HSD11B2: variants seen among roughly 807,000 people sequenced by gnomAD.
HSD11B2 encodes the protein 11-beta-hydroxysteroid dehydrogenase type 2.
HSD11B2 carries 17 observed loss-of-function variants against 20.9 expected under a neutral mutation model. The observed-to-expected ratio is 0.81, with a 90% CI of 0.56 to 1.22. The LOEUF (loss-of-function observed/expected upper bound fraction) is 1.22, where lower values mean the gene tolerates loss of function less well. HSD11B2 is among the 50% of genes most tolerant of loss of function. The pLI is 0.00. For missense variants in HSD11B2, 480 were observed against 563.6 expected, an observed-to-expected ratio of 0.85 and a Z score of 1.50; for synonymous variants, 253 against 255.4, an observed-to-expected ratio of 0.99 and a Z score of 0.09.
At position 67,436,873 on chromosome 16, in the gene HSD11B2, T is replaced by C; in HGVS notation, c.1088T>C (p.Leu363Pro). 1 of 1,613,552 alleles carries C rather than the reference T, an allele frequency of 6.2e-7. No individual in the cohort carries two copies. The highest frequency in any genetic ancestry group is 2.2e-5 in the East Asian group (1 of 44,878). The change falls in exon 5 of 5, where the codon CTG becomes CCG. Residue 363 changes from leucine to proline, a missense_variant. By Grantham distance (98) the Leu-to-Pro change is moderately conservative. Coordinates refer to ENST00000326152, the MANE Select transcript of HSD11B2 (RefSeq NM_000196.4). The surrounding 1 kb of genome is among the most constrained non-coding windows in gnomAD (Gnocchi z 5.7). ...CCTGAAGGCCTGCGGCGCCGCTTCC[T>C]GCAGGCCTTCTTCATCAGTCACTGT... ...YLPEGLRRRF[L>P]QAFFISHCLP...
chr16:67,435,930 C>T, intron 2 of HSD11B2, 27 bp from the exon 3 acceptor site: 1 of 1,614,086 alleles, frequency 6.2e-7, no homozygotes, highest in Non-Finnish European at 8.5e-7. Context: ...TGACCTAAGG[C>T]TTCCCTCCTC....
Position 67,431,512 on chromosome 16 carries a change from C to T in HSD11B2, c.264C>T (p.Thr88=), listed in dbSNP as rs2040933364. 1 of 1,393,978 alleles carries T rather than the reference C, an allele frequency of 7.2e-7. No homozygotes were observed. The highest frequency in any genetic ancestry group is 1.6e-5 in the South Asian group (1 of 64,334). The allele number at this position is 1,393,978 out of a possible 1,614,324, so 86.4% of individuals were successfully genotyped here. ...LPVATRAVLI[T]GCDSGFGKET... is the part of the protein sequence containing the mutation. ...TGGCCACTCGCGCGGTGCTCATCAC[C>T]GGTGAGTGCGCGGGTCGCGGAGCGC... The change falls in exon 1 of 5, where the codon ACC becomes ACT. Residue 88 remains threonine (T), a splice_region_variant and synonymous_variant. Coordinates refer to ENST00000326152, the MANE Select transcript of HSD11B2 (RefSeq NM_000196.4).
chr16:67,433,513 G>A (rs1208856734), intron 1 of HSD11B2, among the ~76,000 whole-genome samples: 3 of 152,080 alleles, frequency 2.0e-5, no homozygotes, highest in Admixed American at 2.0e-4. Context: ...GTGTGTACAG[G>A]TATCTGAGGG....
rs374226482 is a variant in HSD11B2, at chr16:67,436,715, G to A, written c.930G>A (p.Ser310=). The A allele has an allele frequency of 3.3e-5, 54 of 1,614,004 alleles. No individual in the cohort carries two copies. Among genetic ancestry groups the A allele is most frequent in the East Asian group, 4.5e-5 (2 of 44,888 alleles). ...IEHLHGQFLH[S]LRLAMSDLTP... ...ACTTGCATGGGCAGTTCCTGCACTC[G>A]CTACGCCTGGCCATGTCCGACCTCA... is the stretch of plus-strand genomic sequence containing the variant. The change falls in exon 5 of 5, where the codon TCG becomes TCA. Residue 310 remains serine, a synonymous_variant. Coordinates refer to ENST00000326152, the MANE Select transcript of HSD11B2 (RefSeq NM_000196.4). The surrounding 1 kb of genome is among the most constrained non-coding windows in gnomAD (Gnocchi z 5.7).
chr16:67,431,945 G>T (rs56095125), intron 1 of HSD11B2, among the ~76,000 whole-genome samples: 2,554 of 152,262 alleles, frequency 0.017, 25 homozygotes, highest in Middle Eastern at 0.027. Context: ...TCGGGCCAGA[G>T]GGAAGAGCTT....
Position 67,431,231 on chromosome 16 carries a change from C to T in HSD11B2, c.-18C>T. The T allele has an allele frequency of 1.7e-6, 2 of 1,193,992 alleles. No individual in the cohort carries two copies. Among genetic ancestry groups the T allele is most frequent in the Non-Finnish European group, 2.1e-6 (2 of 962,280 alleles). The allele number at this position is 1,193,992 out of a possible 1,614,324, so 74.0% of individuals were successfully genotyped here. On this transcript the variant is annotated 5_prime_UTR_variant, in exon 1 of 5. Coordinates refer to ENST00000326152, the MANE Select transcript of HSD11B2 (RefSeq NM_000196.4). The stretch of plus-strand genomic sequence containing the variant: ...GGCCCGGCCCCCGCCCCGCCCCGCC[C>T]CAGCCCGCTGGGCCGCCATGGAGCG...
chr16:67,433,286 C>T (rs1233512959), intron 1 of HSD11B2: 1 of 152,180 alleles, frequency 6.6e-6, no homozygotes, highest in Non-Finnish European at 1.5e-5. Context: ...GCCCCACCTG[C>T]CAAGAACACT....
rs779061367 is a variant in HSD11B2, at chr16:67,436,926, C to G, written c.1141C>G (p.Pro381Ala). 6.2e-7 allele frequency: 1 copy of G among 1,612,468 alleles called. No individual in the cohort carries two copies. Among genetic ancestry groups the G allele is most frequent in the Non-Finnish European group, 8.5e-7 (1 of 1,180,030 alleles). The part of the protein sequence containing the change: ...CLPRALQPGQ[P>A]GTTPPQDAAQ... ...GCCTCGAGCACTGCAGCCTGGCCAG[C>G]CTGGCACTACCCCACCACAGGACGC... The change falls in exon 5 of 5, where the codon CCT (proline) becomes GCT (alanine). Residue 381 changes from proline to alanine, a missense_variant. This residue lies in a region of HSD11B2 where 374 missense variants were observed against 480.9 expected (regional missense o/e 0.78). Coordinates refer to ENST00000326152, the MANE Select transcript of HSD11B2 (RefSeq NM_000196.4). The surrounding 1 kb of genome is among the most constrained non-coding windows in gnomAD (Gnocchi z 5.7).
rs2040987815 is a variant in HSD11B2 at position 67,437,532 on chromosome 16, C to T, written c.*529C>T. The T allele has an allele frequency of 1.3e-5, 2 of 158,022 alleles. No homozygotes were observed. Among genetic ancestry groups the T allele is most frequent in the Admixed American group, 1.2e-4 (2 of 16,068 alleles). 9.8% of individuals were successfully genotyped at this position (158,022 alleles called of 1,614,324 possible). The stretch of plus-strand genomic sequence containing the variant: ...CCAATTGCCACATTTTAAATAAAGA[C>T]AAATTTTTATTTCTTCTAAAATGCG... On this transcript the variant is annotated 3_prime_UTR_variant, in exon 5 of 5. Coordinates refer to ENST00000326152, the MANE Select transcript of HSD11B2 (RefSeq NM_000196.4).
At position 67,436,917 on chromosome 16, in the gene HSD11B2, C is replaced by A; in HGVS notation, c.1132C>A (p.Pro378Thr). The A allele has an allele frequency of 6.2e-7, 1 of 1,612,646 alleles. No homozygotes were observed. The highest frequency in any genetic ancestry group is 8.5e-7 in the Non-Finnish European group (1 of 1,180,018). ...TCACTGTCTGCCTCGAGCACTGCAG[C>A]CTGGCCAGCCTGGCACTACCCCACC... ...ISHCLPRALQPGQPGTTPPQD... is the reference protein window; with the variant it reads ...ISHCLPRALQTGQPGTTPPQD... Residue 378 changes from proline (P) to threonine (T), a missense_variant, in exon 5 of 5, where the codon CCT (proline) becomes ACT (threonine). Transcript: ENST00000326152. This position sits in a 1 kb window ranked among gnomAD's most constrained non-coding sequence, Gnocchi z 5.7.
At position 67,435,735 on chromosome 16, in the gene HSD11B2, C is replaced by T. The variant is rs546805920; in HGVS notation, c.373C>T (p.Arg125Cys). 4.3e-6 allele frequency: 7 copies of T among 1,614,038 alleles called. No individual in the cohort carries two copies. In the African/African-American group the frequency reaches 5.3e-5, roughly 12 times the overall value. Residue 125 changes from arginine (R) to cysteine (C), a missense_variant, in exon 2 of 5, where the codon CGT (arginine) becomes TGT (cysteine). By Grantham distance (180) the Arg-to-Cys change is radical. Transcript: ENST00000326152. ...GAACAGCCCCGGTGCCATCGAGCTG[C>T]GTACCTGCTGCTCCCCTCGCCTAAG... The part of the protein sequence containing the change: ...ELNSPGAIEL[R>C]TCCSPRLRLL...
chr16:67,436,555 G>T lies in HSD11B2; in HGVS notation c.803-33G>T. On this transcript the variant is annotated intron_variant, in intron 4 of 4. Transcript: ENST00000326152. The surrounding 1 kb of genome is among the most constrained non-coding windows in gnomAD (Gnocchi z 5.7). Reference sequence around the variant, plus strand: ...CTAATTGGCTTTGGCTCCCCTAGCTGATCCCACTCTGACCTTGCCACTCCT... The same window carrying T: ...CTAATTGGCTTTGGCTCCCCTAGCTTATCCCACTCTGACCTTGCCACTCCT... 1 of 1,613,282 alleles carries T rather than the reference G, an allele frequency of 6.2e-7. No individual in the cohort carries two copies. Among genetic ancestry groups the T allele is most frequent in the Non-Finnish European group, 8.5e-7 (1 of 1,179,650 alleles).
chr16:67,431,485 G>T lies in HSD11B2; in HGVS notation c.237G>T (p.Pro79=). The change falls in exon 1 of 5, where the codon CCG becomes CCT. Residue 79 remains proline, a synonymous_variant. Transcript: ENST00000326152. The part of the protein sequence containing the change: ...LSRLARPQRL[P]VATRAVLITG... ...GCCTGGCGCGCCCGCAGCGCCTGCC[G>T]GTGGCCACTCGCGCGGTGCTCATCA... is the stretch of plus-strand genomic sequence containing the variant. 1.4e-6 allele frequency: 2 copies of T among 1,397,822 alleles called. No homozygotes were observed. The highest frequency in any genetic ancestry group is 1.5e-5 in the South Asian group (1 of 65,052). The allele number at this position is 1,397,822 out of a possible 1,614,324, so 86.6% of individuals were successfully genotyped here. A position where few individuals can be genotyped will look rare whatever the true frequency, so the allele number is the denominator to read the frequency against.
chr16:67,432,195 C>T (rs1390760482), intron 1 of HSD11B2, among the ~76,000 whole-genome samples: 7 of 151,606 alleles, frequency 4.6e-5, no homozygotes, highest in Admixed American at 6.6e-5. Context: ...TGCCTCTGGC[C>T]GCCTAGCTGA....
rs1355122979 is a variant in HSD11B2 at position 67,437,298 on chromosome 16, C to T, written c.*295C>T. On this transcript the variant is annotated 3_prime_UTR_variant, in exon 5 of 5. Transcript: ENST00000326152. ...GGATGGGGAGTCTCATGCAAGACTT[C>T]ACTGCAGCCTTTCACAGGACTCTGC... 5.5e-6 allele frequency: 3 copies of T among 543,164 alleles called. No individual in the cohort carries two copies. The highest frequency in any genetic ancestry group is 9.9e-6 in the Non-Finnish European group (3 of 303,134). The allele number at this position is 543,164 out of a possible 1,614,324, so 33.6% of individuals were successfully genotyped here. A position where few individuals can be genotyped will look rare whatever the true frequency, so the allele number is the denominator to read the frequency against.
At position 67,435,627 on chromosome 16, in the gene HSD11B2, G is replaced by C. The variant is rs1009242122; in HGVS notation, c.266-1G>C. ...TTCACTGACTGCCCTGGCCTGGCCA[G>C]GCTGTGACTCTGGTTTTGGCAAGGA... is the stretch of plus-strand genomic sequence containing the variant. On this transcript the variant is annotated splice_acceptor_variant, in intron 1 of 4. Coordinates refer to ENST00000326152, the MANE Select transcript of HSD11B2 (RefSeq NM_000196.4). LOFTEE classifies it high-confidence loss of function. 13 of 1,613,028 alleles carry C rather than the reference G, an allele frequency of 8.1e-6. No homozygotes were observed. The highest frequency in any genetic ancestry group is 1.1e-5 in the Non-Finnish European group (13 of 1,179,674).
Position 67,431,157 on chromosome 16 carries a change from A to C in HSD11B2, c.-92A>C, listed in dbSNP as rs1597560166. 4.7e-6 allele frequency: 3 copies of C among 635,396 alleles called. No homozygotes were observed. Among genetic ancestry groups the C allele is most frequent in the Non-Finnish European group, 6.0e-6 (3 of 503,872 alleles). 39.4% of individuals were successfully genotyped at this position (635,396 alleles called of 1,614,324 possible). A position where few individuals can be genotyped will look rare whatever the true frequency, so the allele number is the denominator to read the frequency against. ...TCCCTCTCGCGCCCCAGGCCGGTGT[A>C]CCCCCGCACTCCGCGCCCCGGCCTA... On this transcript the variant is annotated 5_prime_UTR_variant, in exon 1 of 5. Transcript: ENST00000326152.
chr16:67,437,165 C>T lies in HSD11B2; in HGVS notation c.*162C>T. The T allele has an allele frequency of 1.3e-6, 1 of 744,992 alleles. No homozygotes were observed. The highest frequency in any genetic ancestry group is 2.2e-6 in the Non-Finnish European group (1 of 463,752). The allele number at this position is 744,992 out of a possible 1,614,324, so 46.1% of individuals were successfully genotyped here. A position where few individuals can be genotyped will look rare whatever the true frequency, so the allele number is the denominator to read the frequency against. On this transcript the variant is annotated 3_prime_UTR_variant, in exon 5 of 5. Coordinates refer to ENST00000326152, the MANE Select transcript of HSD11B2 (RefSeq NM_000196.4). Reference sequence around the variant, plus strand: ...CCCACTGCCGATGCCCAATCCAGGCCCGGTGAGGCCAAGGTTTCCCAGTGA... The same window carrying T: ...CCCACTGCCGATGCCCAATCCAGGCTCGGTGAGGCCAAGGTTTCCCAGTGA...
chr16:67,437,106 A>C lies in HSD11B2; in HGVS notation c.*103A>C. The C allele has an allele frequency of 8.0e-7, 1 of 1,253,808 alleles. No homozygotes were observed. Among genetic ancestry groups the C allele is most frequent in the Non-Finnish European group, 1.1e-6 (1 of 905,108 alleles). 77.7% of individuals were successfully genotyped at this position (1,253,808 alleles called of 1,614,324 possible). A position where few individuals can be genotyped will look rare whatever the true frequency, so the allele number is the denominator to read the frequency against. On this transcript the variant is annotated 3_prime_UTR_variant, in exon 5 of 5. Transcript: ENST00000326152. ...CATTACGATCCCCCAAGTGTCCTGG[A>C]CCCTGGCCTAAAGAATCCCACCCCC...
Sources: gnomAD v4.1 joint callset for allele counts (sites outside exome capture counted in the v4.1 genomes callset) on GRCh38, gnomAD v4.1.1 for gene constraint, gnomAD v4.1.1 regional missense constraint, Gnocchi (gnomAD v3.1) non-coding constraint, MANE v1.5 for transcripts, NCBI Gene and HGNC (gene_info 2026-07-23, HGNC 2026-07-21) for gene names.